The following LMBR1 variants were observed in gnomAD, a reference collection of about 807,000 sequenced individuals.
LMBR1 encodes the protein limb region 1 protein homolog.
A neutral mutation model predicts 73.9 loss-of-function variants in LMBR1; 52 were observed. That is an observed-to-expected ratio of 0.70 (90% CI 0.56 to 0.89). The LOEUF is 0.89. Among genes scored for constraint, LMBR1 ranks in the 40% least tolerant of loss-of-function variants. The probability of loss-of-function intolerance (pLI) is 0.00; values close to 1 mark genes in which losing one functional copy is unlikely to be tolerated. For synonymous variants in LMBR1, 215 were observed against 209.4 expected (o/e 1.03, Z -0.23); for missense variants, 539 against 579.8 (o/e 0.93, Z 0.72).
intron 15 of LMBR1, among the ~76,000 whole-genome samples, chr7:156,723,304 T>A (rs1435576893): frequency 6.6e-6 from 1 of 152,080 alleles, no homozygotes; most frequent in Non-Finnish European, 1.5e-5. Context: ...CAAAAGCAAC[T>A]CAAAGTTACC....
chr7:156,831,476 A>G (rs370288002), intron 3 of LMBR1, among the ~76,000 whole-genome samples: 3 of 152,166 alleles, frequency 2.0e-5, no homozygotes, highest in East Asian at 3.9e-4. Flanking sequence ...AGCAAAAGAC[A>G]AAGAGATCAA....
At chr7:156,756,976 C>A (rs1822007923) in intron 8 of LMBR1, among the ~76,000 whole-genome samples, 1 of 152,114 alleles carries the variant, frequency 6.6e-6, no homozygotes, top group Non-Finnish European at 1.5e-5. Flanking sequence ...ACAACCATGC[C>A]CAGCTAATTT....
chr7:156,732,013 A>T (rs550778799), intron 10 of LMBR1, among the ~76,000 whole-genome samples: 3 of 151,988 alleles, frequency 2.0e-5, no homozygotes, highest in African/African-American at 7.2e-5. Flanking sequence ...AAGCAAATCT[A>T]ATATCCACCA....
At chr7:156,847,109 A>T (rs1277861804) in intron 1 of LMBR1, among the ~76,000 whole-genome samples, 1 of 152,212 alleles carries the variant, frequency 6.6e-6, no homozygotes, top group Non-Finnish European at 1.5e-5. Context: ...CACAGAAAAG[A>T]CAGCCCAGAA....
chr7:156,804,784 G>A (rs1281601806), intron 4 of LMBR1, among the ~76,000 whole-genome samples: 2 of 151,718 alleles, frequency 1.3e-5, no homozygotes, highest in Admixed American at 1.3e-4. Flanking sequence ...TTTTCTCCCA[G>A]TCTGTAGACT....
intron 4 of LMBR1, among the ~76,000 whole-genome samples, chr7:156,816,205 TTTTTC>T (rs1466732102): frequency 6.6e-6 from 1 of 152,152 alleles, no homozygotes; most frequent in Non-Finnish European, 1.5e-5. Flanking sequence ...CTTTCTTCCT[TTTTTC>T]TTTTCTCTTT....
chr7:156,727,764 A>G (rs1181220576), intron 12 of LMBR1, among the ~76,000 whole-genome samples, 166 bp downstream of exon 12: 1 of 152,230 alleles, frequency 6.6e-6, no homozygotes, highest in Non-Finnish European at 1.5e-5. Context: ...TTAGAAACAA[A>G]AATCACAGTT....
In LMBR1 at chr7:156,893,019, G is replaced by C; in HGVS notation, c.-26C>G. On this transcript the variant is annotated 5_prime_UTR_variant, in exon 1 of 17. Coordinates refer to ENST00000353442, the MANE Select transcript of LMBR1 (RefSeq NM_022458.4). The stretch of plus-strand genomic sequence containing the variant: ...CCTCCTTCATGCCCGCCGCCGCGCC[G>C]CCCGCGTCCGCGTGCTCCGCCACAC... 1.8e-5 allele frequency: 27 copies of C among 1,482,720 alleles called. No homozygotes were observed. The highest frequency in any genetic ancestry group is 2.4e-5 in the Non-Finnish European group (27 of 1,122,084). 91.8% of individuals were successfully genotyped at this position (1,482,720 alleles called of 1,614,324 possible).
At chr7:156,891,190 CAAAAA>C (rs58107543) in intron 1 of LMBR1, among the ~76,000 whole-genome samples, 2 of 20,672 alleles carry the variant, frequency 9.7e-5, no homozygotes, top group East Asian at 1.4e-3. Context: ...GACTCCATCA[CAAAAA>C]AAAAAAAAAA....
At chr7:156,808,921 AAC>A (rs1832627504) in intron 4 of LMBR1, among the ~76,000 whole-genome samples, 1 of 152,204 alleles carries the variant, frequency 6.6e-6, no homozygotes, top group Non-Finnish European at 1.5e-5. Flanking sequence ...AGAACTTCAC[AAC>A]AGTGTGCTTC....
chr7:156,832,117 C>G (rs1188580086), intron 3 of LMBR1, among the ~76,000 whole-genome samples: 1 of 152,062 alleles, frequency 6.6e-6, no homozygotes, highest in Non-Finnish European at 1.5e-5. Flanking sequence ...AAGTTTTGGG[C>G]CTAGGTTTTA....
chr7:156,806,908 A>G (rs12674275), intron 4 of LMBR1, among the ~76,000 whole-genome samples: 56,677 of 151,956 alleles, frequency 0.37, 10,842 homozygotes, highest in East Asian at 0.57. Flanking sequence ...CACTACGCCC[A>G]GCCTGATGCA....
chr7:156,848,971 G>C (rs969066533), intron 1 of LMBR1, among the ~76,000 whole-genome samples: 1 of 147,970 alleles, frequency 6.8e-6, no homozygotes, highest in Admixed American at 6.7e-5. Flanking sequence ...AACAAAAACA[G>C]TACTACCATT....
intron 16 of LMBR1, among the ~76,000 whole-genome samples, chr7:156,684,696 C>T (rs970979340): frequency 1.3e-5 from 2 of 152,228 alleles, no homozygotes; most frequent in Non-Finnish European, 2.9e-5. Context: ...GTGGCTCACG[C>T]CTGTCATCCC....
intron 1 of LMBR1, among the ~76,000 whole-genome samples, chr7:156,877,117 T>C (rs916932118): frequency 6.6e-6 from 1 of 151,996 alleles, no homozygotes; most frequent in Non-Finnish European, 1.5e-5. Flanking sequence ...TTCGAGGCTA[T>C]TATAAACACC....
At chr7:156,693,365 C>CAA (rs60670751) in intron 15 of LMBR1, among the ~76,000 whole-genome samples, 26,189 of 151,740 alleles carry the variant, frequency 0.17, 2,791 homozygotes, top group African/African-American at 0.31. Context: ...GAAAAATCAA[C>CAA]AAGAGTTGGA....
chr7:156,760,484 A>C (rs2132871832), intron 8 of LMBR1, among the ~76,000 whole-genome samples: 1 of 152,204 alleles, frequency 6.6e-6, no homozygotes, highest in East Asian at 1.9e-4. Flanking sequence ...ATTAATAGAA[A>C]TTTAGACCAA....
At chr7:156,890,568 G>C (rs1802726848) in intron 1 of LMBR1, among the ~76,000 whole-genome samples, 1 of 152,072 alleles carries the variant, frequency 6.6e-6, no homozygotes, top group African/African-American at 2.4e-5. Flanking sequence ...TTTCCAAATG[G>C]CTAATAAACA....
chr7:156,756,298 T>G, intron 9 of LMBR1, 95 bp downstream of exon 9: 1 of 679,696 alleles, frequency 1.5e-6, no homozygotes, highest in East Asian at 2.7e-5. Flanking sequence ...CAGCACAAGA[T>G]TCAGAGAGGT....
Sources: gnomAD v4.1 joint callset for allele counts (sites outside exome capture counted in the v4.1 genomes callset) on GRCh38, gnomAD v4.1.1 for gene constraint, MANE v1.5 for transcripts, NCBI Gene and HGNC (gene_info 2026-07-23, HGNC 2026-07-21) for gene names.